CXCL16: variants seen among roughly 807,000 people sequenced by gnomAD.
The protein encoded by CXCL16 is C-X-C motif chemokine 16.
A neutral mutation model predicts 23.8 loss-of-function variants in CXCL16; 18 were observed. The observed-to-expected ratio is 0.76, with a 90% CI of 0.52 to 1.12. The LOEUF (loss-of-function observed/expected upper bound fraction) is 1.12. CXCL16 is among the 50% of genes most tolerant of loss of function. CXCL16 has a pLI of 0.00. For missense variants in CXCL16, 297 were observed against 315.4 expected (o/e 0.94, Z 0.44); for synonymous variants, 123 against 132.5 (o/e 0.93, Z 0.49).
rs1462816968 is a variant in CXCL16, at chr17:4,738,961, A to C, written c.80-41T>G. 1 of 1,603,530 alleles carries C rather than the reference A, an allele frequency of 6.2e-7. No homozygotes were observed. The highest frequency in any genetic ancestry group is 8.5e-7 in the Non-Finnish European group (1 of 1,174,858). ...GTGGTCGGCACCCATTCCCAGGCCC[A>C]GGGTCCCCACTCCGCTGTTCCCTGG... On this transcript the variant is annotated intron_variant, in intron 1 of 5. Transcript: ENST00000293778. The surrounding 1 kb of genome is among the most constrained non-coding windows in gnomAD (Gnocchi z 4.0).
rs1185490621 is a variant in CXCL16, at chr17:4,738,983, C to G, written c.80-63G>C. On this transcript the variant is annotated intron_variant, in intron 1 of 5. Transcript: ENST00000293778. This position sits in a 1 kb window ranked among gnomAD's most constrained non-coding sequence, Gnocchi z 4.0. The stretch of plus-strand genomic sequence containing the variant: ...CCCAGGGTCCCCACTCCGCTGTTCC[C>G]TGGCATCCAATCCACAGCCCCATGA... 2.5e-6 allele frequency: 4 copies of G among 1,580,296 alleles called. No individual in the cohort carries two copies. The African/African-American group carries it at 5.4e-5, about 21-fold the overall frequency.
chr17:4,739,147 C>T lies in CXCL16; in HGVS notation c.79+114G>A. The T allele has an allele frequency of 7.1e-7, 1 of 1,399,740 alleles. No homozygotes were observed. Among genetic ancestry groups the T allele is most frequent in the Non-Finnish European group, 9.7e-7 (1 of 1,029,434 alleles). 86.7% of individuals were successfully genotyped at this position (1,399,740 alleles called of 1,614,324 possible). On this transcript the variant is annotated intron_variant, in intron 1 of 5. Coordinates refer to ENST00000293778, the MANE Select transcript of CXCL16 (RefSeq NM_001386809.1). This position sits in a 1 kb window ranked among gnomAD's most constrained non-coding sequence, Gnocchi z 5.3. ...AACCCCAGGCGGCTGGCTGGCTTTC[C>T]TCTTGTCCCCGCTGCCTTCATCCAC...
chr17:4,737,392 ACAC>A (rs1916184925), intron 3 of CXCL16, among the ~76,000 whole-genome samples: 1 of 146,800 alleles, frequency 6.8e-6, no homozygotes, highest in Non-Finnish European at 1.5e-5. Flanking sequence ...AGCCTGACCA[ACAC>A]GGTGAAACCC....
intron 3 of CXCL16, chr17:4,736,365 G>A (rs1003918797): frequency 3.9e-5 from 6 of 152,288 alleles, no homozygotes; most frequent in African/African-American, 1.4e-4. Flanking sequence ...GGAAGAGTGA[G>A]TCAGGGAGGT....
Position 4,739,870 on chromosome 17 carries a change from G to C in CXCL16, c.-531C>G. ...TGAGCCTCCCGGGCGGCCCGGTGGA[G>C]AGAGTCGCCGCCAGCCCCGGCCGCG... On this transcript the variant is annotated 5_prime_UTR_variant, in exon 1 of 6. Transcript: ENST00000293778. The surrounding 1 kb of genome is among the most constrained non-coding windows in gnomAD (Gnocchi z 5.3). The C allele has an allele frequency of 1.0e-6, 1 of 986,142 alleles. No homozygotes were observed. The highest frequency in any genetic ancestry group is 1.2e-6 in the Non-Finnish European group (1 of 830,494). The allele number at this position is 986,142 out of a possible 1,614,324, so 61.1% of individuals were successfully genotyped here.
Position 4,738,400 on chromosome 17 carries a change from A to G in CXCL16, c.301+8T>C. 1 of 1,610,512 alleles carries G rather than the reference A, an allele frequency of 6.2e-7. No homozygotes were observed. Among genetic ancestry groups the G allele is most frequent in the Non-Finnish European group, 8.5e-7 (1 of 1,176,720 alleles). ...GGCAGAGCCTGAAGAGCAGTGGAAA[A>G]GTCTCACCTTTGAGATCAAGACAGC... On this transcript the variant is annotated splice_region_variant and intron_variant, in intron 3 of 5. Coordinates refer to ENST00000293778, the MANE Select transcript of CXCL16 (RefSeq NM_001386809.1). This position sits in a 1 kb window ranked among gnomAD's most constrained non-coding sequence, Gnocchi z 4.0.
intron 3 of CXCL16, among the ~76,000 whole-genome samples, chr17:4,736,001 T>G (rs564361513): frequency 4.0e-5 from 6 of 151,126 alleles, no homozygotes; most frequent in Admixed American, 4.0e-4. Flanking sequence ...ACCCAGGAGG[T>G]GGAGGTTGCA....
chr17:4,735,346 A>G lies in CXCL16; in HGVS notation c.464T>C (p.Val155Ala), dbSNP rs780798235. ...LQSTQRPTLP[V>A]GSLSSDKELT... ...CTCTTTGTCCGAGGACAGTGATCCT[A>G]CTGGGAGGGTGGGGCGCTGAGTGGA... The change falls in exon 4 of 6, where the codon GTA (valine) becomes GCA (alanine). Residue 155 changes from valine (V) to alanine (A), a missense_variant. Transcript: ENST00000293778. The G allele has an allele frequency of 1.2e-6, 2 of 1,606,948 alleles. No homozygotes were observed. Among genetic ancestry groups the G allele is most frequent in the African/African-American group, 1.3e-5 (1 of 74,830 alleles).
At chr17:4,737,023 G>T (rs1462171845) in intron 3 of CXCL16, among the ~76,000 whole-genome samples, 1 of 151,896 alleles carries the variant, frequency 6.6e-6, no homozygotes, top group East Asian at 2.0e-4. Context: ...TACCATGTTG[G>T]TCAGGCTGGT....
At position 4,738,066 on chromosome 17, in the gene CXCL16, G is replaced by A. The variant is rs538335331; in HGVS notation, c.301+342C>T. ...AATCTCTTGAACCTGGGAGGCAGAGGTTGCAGTGAGCCAAGATCGTGCCAC... is the reference window on the plus strand; with the variant it reads ...AATCTCTTGAACCTGGGAGGCAGAGATTGCAGTGAGCCAAGATCGTGCCAC... On this transcript the variant is annotated intron_variant, in intron 3 of 5. Coordinates refer to ENST00000293778, the MANE Select transcript of CXCL16 (RefSeq NM_001386809.1). The surrounding 1 kb of genome is among the most constrained non-coding windows in gnomAD (Gnocchi z 4.0). Among the ~76,000 whole-genome samples the A allele has an allele frequency of 1.6e-4, 18 of 114,020 alleles. No homozygotes were observed. The highest frequency in any genetic ancestry group is 4.9e-4 in the African/African-American group (18 of 36,418). The allele number at this position is 114,020 out of a possible 152,430, so 74.8% of individuals were successfully genotyped here.
chr17:4,735,447 G>A lies in CXCL16; in HGVS notation c.363C>T (p.Pro121=). 6.6e-7 allele frequency: 1 copy of A among 1,514,066 alleles called. No individual in the cohort carries two copies. The allele number at this position is 1,514,066 out of a possible 1,614,324, so 93.8% of individuals were successfully genotyped here. The change falls in exon 4 of 6, where the codon CCC becomes CCT. Residue 121 remains proline (P), a synonymous_variant. Transcript: ENST00000293778. ...CCCCCTCTGAGGCCTGAGAAATTGG[G>A]GGGCTGGTAGGAAGTAAATGCTTCT... ...AHQKHLLPTS[P]PISQASEGAS...
At position 4,739,346 on chromosome 17, in the gene CXCL16, G is replaced by C. The variant is rs1916271065; in HGVS notation, c.-7C>G. The C allele has an allele frequency of 6.2e-7, 1 of 1,613,264 alleles. No homozygotes were observed. The highest frequency in any genetic ancestry group is 1.3e-5 in the African/African-American group (1 of 75,030). On this transcript the variant is annotated 5_prime_UTR_variant, in exon 1 of 6. Transcript: ENST00000293778. This position sits in a 1 kb window ranked among gnomAD's most constrained non-coding sequence, Gnocchi z 5.3. ...GCCGCAAGTCCCGTCCCATCTCGGG[G>C]CTCCGCGGACTCTGCGGGGATGGAG...
rs2150622417 is a variant in CXCL16 at position 4,739,090 on chromosome 17, C to T, written c.80-170G>A. On this transcript the variant is annotated intron_variant, in intron 1 of 5. Coordinates refer to ENST00000293778, the MANE Select transcript of CXCL16 (RefSeq NM_001386809.1). The surrounding 1 kb of genome is among the most constrained non-coding windows in gnomAD (Gnocchi z 5.3). Reference sequence around the variant, plus strand: ...CCCCCGACAACATCCATAATCCCGCCCGGAGCCAGGCGTCCCCGGGCCTCT... The same window carrying T: ...CCCCCGACAACATCCATAATCCCGCTCGGAGCCAGGCGTCCCCGGGCCTCT... The T allele has an allele frequency of 8.3e-7, 1 of 1,204,304 alleles. No individual in the cohort carries two copies. Among genetic ancestry groups the T allele is most frequent in the Non-Finnish European group, 1.1e-6 (1 of 870,318 alleles). The allele number at this position is 1,204,304 out of a possible 1,614,324, so 74.6% of individuals were successfully genotyped here.
At position 4,738,330 on chromosome 17, in the gene CXCL16, G is replaced by T; in HGVS notation, c.301+78C>A. 1 of 1,121,912 alleles carries T rather than the reference G, an allele frequency of 8.9e-7. No homozygotes were observed. Among genetic ancestry groups the T allele is most frequent in the Non-Finnish European group, 1.4e-6 (1 of 737,198 alleles). The allele number at this position is 1,121,912 out of a possible 1,614,324, so 69.5% of individuals were successfully genotyped here. A position where few individuals can be genotyped will look rare whatever the true frequency, so the allele number is the denominator to read the frequency against. On this transcript the variant is annotated intron_variant, in intron 3 of 5. Coordinates refer to ENST00000293778, the MANE Select transcript of CXCL16 (RefSeq NM_001386809.1). The surrounding 1 kb of genome is among the most constrained non-coding windows in gnomAD (Gnocchi z 4.0). ...GGAATGTGCGGCCCCAGGGGAAAAG[G>T]CTCAGGTAAAGAAAACTGTCAGGTG...
At position 4,735,370 on chromosome 17, in the gene CXCL16, G is replaced by C; in HGVS notation, c.440C>G (p.Ser147Cys). ...PAQMLLSTLQ[S>C]TQRPTLPVGS... ...TACTGGGAGGGTGGGGCGCTGAGTG[G>C]ACTGCAAGGTGGACAGGAGCATCTG... Residue 147 changes from serine (S) to cysteine (C), a missense_variant, in exon 4 of 6, where the codon TCC becomes TGC. Ser to Cys is a moderately radical substitution (Grantham distance 112). Transcript: ENST00000293778. The C allele has an allele frequency of 6.3e-7, 1 of 1,592,158 alleles. No individual in the cohort carries two copies. The highest frequency in any genetic ancestry group is 8.6e-7 in the Non-Finnish European group (1 of 1,166,420).
In CXCL16 at chr17:4,739,788, C is replaced by T. The variant is rs1916295861; in HGVS notation, c.-449G>A. On this transcript the variant is annotated 5_prime_UTR_variant, in exon 1 of 6. Transcript: ENST00000293778. The surrounding 1 kb of genome is among the most constrained non-coding windows in gnomAD (Gnocchi z 5.3). ...GCTGCACTGCCGGACCGGCCCTCCTCCTCCGAGGCACTTTCACTTCCCCGA... is the reference window on the plus strand; with the variant it reads ...GCTGCACTGCCGGACCGGCCCTCCTTCTCCGAGGCACTTTCACTTCCCCGA... 12 of 1,020,530 alleles carry T rather than the reference C, an allele frequency of 1.2e-5. No homozygotes were observed. The South Asian group carries it at 4.0e-4, about 34-fold the overall frequency. 63.2% of individuals were successfully genotyped at this position (1,020,530 alleles called of 1,614,324 possible). A position where few individuals can be genotyped will look rare whatever the true frequency, so the allele number is the denominator to read the frequency against.
rs1197810285 is a variant in CXCL16, at chr17:4,733,790, T to G, written c.*713A>C. ...AACAACTGGTGTACTGGGAGAGAGA[T>G]TTGGGACGAGGGGGAACCATCAGCA... On this transcript the variant is annotated 3_prime_UTR_variant, in exon 6 of 6. Transcript: ENST00000293778. 1 of 152,052 alleles carries G rather than the reference T, an allele frequency of 6.6e-6. No homozygotes were observed. The highest frequency in any genetic ancestry group is 1.5e-5 in the Non-Finnish European group (1 of 68,248). 9.4% of individuals were successfully genotyped at this position (152,052 alleles called of 1,614,324 possible).
Position 4,735,261 on chromosome 17 carries a change from A to G in CXCL16, c.549T>C (p.Pro183=). 4 of 1,614,104 alleles carry G rather than the reference A, an allele frequency of 2.5e-6. No homozygotes were observed. Among genetic ancestry groups the G allele is most frequent in the Non-Finnish European group, 3.4e-6 (4 of 1,180,002 alleles). Residue 183 remains proline, a synonymous_variant, in exon 4 of 6, where the codon CCT becomes CCC. Transcript: ENST00000293778. ...HTAGHSLAAG[P]EAGENQKQPE... is the part of the protein sequence containing the mutation. Reference sequence around the variant, plus strand: ...GCTGCTTCTGGTTCTCCCCAGCCTCAGGCCCAGCTGCCAGACTGTGGCCCG... The same window carrying G: ...GCTGCTTCTGGTTCTCCCCAGCCTCGGGCCCAGCTGCCAGACTGTGGCCCG...
chr17:4,734,635 T>C lies in CXCL16; in HGVS notation c.736A>G (p.Ile246Val). 1 of 1,612,246 alleles carries C rather than the reference T, an allele frequency of 6.2e-7. No individual in the cohort carries two copies. The highest frequency in any genetic ancestry group is 8.5e-7 in the Non-Finnish European group (1 of 1,178,350). The stretch of plus-strand genomic sequence containing the variant: ...GTATTAGAGTCAGGTGCCACAGGTA[T>C]ATAATGAACCGGCAGATCTGGAAAG... ...QSSPDLPVHY[I>V]PVAPDSNT The change falls in exon 5 of 6, where the codon ATA becomes GTA. Residue 246 changes from isoleucine (I) to valine (V), a missense_variant. Ile to Val is a conservative substitution (Grantham distance 29, BLOSUM62 3). Transcript: ENST00000293778.
Sources: gnomAD v4.1 joint callset for allele counts (sites outside exome capture counted in the v4.1 genomes callset) on GRCh38, gnomAD v4.1.1 for gene constraint, Gnocchi (gnomAD v3.1) non-coding constraint, MANE v1.5 for transcripts, NCBI Gene and HGNC (gene_info 2026-07-23, HGNC 2026-07-21) for gene names.